The following RAB9B variants were observed in gnomAD, a reference collection of about 807,000 sequenced individuals.
RAB9B encodes ras-related protein Rab-9B.
A neutral mutation model predicts 8.9 loss-of-function variants in RAB9B; 1 was observed. The observed-to-expected ratio is 0.11, with a 90% CI of 0.04 to 0.53. The LOEUF is 0.53. RAB9B is among the 20% of genes least tolerant of loss of function. RAB9B has a pLI of 0.93. For missense variants in RAB9B, 82 were observed against 152.9 expected (o/e 0.54, Z 2.45); for synonymous variants, 63 against 57.0 (o/e 1.10, Z -0.47).
the RAB9B span, among the ~76,000 whole-genome samples, chrX:103,815,334 TA>T: frequency 8.9e-6 from 1 of 112,484 alleles, no homozygotes; most frequent in Non-Finnish European, 1.9e-5. Context: ...GAACCAATGA[TA>T]AAAACCACAT....
At chrX:103,805,292 T>A in the RAB9B span, among the ~76,000 whole-genome samples, 1 of 111,919 alleles carries the variant, frequency 8.9e-6, no homozygotes, top group Non-Finnish European at 1.9e-5. Context: ...TGTATTCTAT[T>A]GACTGGCTTT....
chrX:103,779,439 A>G, the RAB9B span, among the ~76,000 whole-genome samples: 1 of 112,035 alleles, frequency 8.9e-6, no homozygotes, highest in Non-Finnish European at 1.9e-5. Flanking sequence ...ACTGAGTCCC[A>G]TCAAAATGGC....
the RAB9B span, among the ~76,000 whole-genome samples, chrX:103,793,095 C>T: frequency 1.8e-5 from 2 of 111,864 alleles, no homozygotes; most frequent in Admixed American, 1.9e-4. Flanking sequence ...TTGGATAGTA[C>T]TGGATGGAAG....
the RAB9B span, among the ~76,000 whole-genome samples, chrX:103,807,854 CTG>C: frequency 6.2e-5 from 7 of 112,320 alleles, no homozygotes; most frequent in East Asian, 2.0e-3. Flanking sequence ...TTCTCCACAG[CTG>C]TGGTCAAACC....
At chrX:103,789,518 G>A in the RAB9B span, 1 of 601,626 alleles carries the variant, frequency 1.7e-6, no homozygotes, top group Non-Finnish European at 2.9e-6. Context: ...GGAAGCTTCT[G>A]GGAAGATAGC....
the RAB9B span, among the ~76,000 whole-genome samples, chrX:103,816,124 A>G: frequency 9.0e-6 from 1 of 111,635 alleles, no homozygotes; most frequent in Non-Finnish European, 1.9e-5. Context: ...CATAGCCAAG[A>G]CAATCCTGGG....
At chrX:103,810,715 C>T in the RAB9B span, among the ~76,000 whole-genome samples, 1 of 111,819 alleles carries the variant, frequency 8.9e-6, no homozygotes, top group South Asian at 3.8e-4. Flanking sequence ...CAAACCTAAG[C>T]TTCCTACCCC....
chrX:103,818,788 T>A (rs1272697017), downstream of RAB9B, among the ~76,000 whole-genome samples: 1 of 112,041 alleles, frequency 8.9e-6, no homozygotes, highest in Admixed American at 9.5e-5. Context: ...AATCTGCTTA[T>A]CTCAGGTTAA....
the RAB9B span, among the ~76,000 whole-genome samples, chrX:103,784,328 A>G: frequency 8.9e-6 from 1 of 111,745 alleles, no homozygotes; most frequent in Non-Finnish European, 1.9e-5. Flanking sequence ...CTGACTTTGT[A>G]TAAAGTCTGT....
chrX:103,800,706 A>G, the RAB9B span, among the ~76,000 whole-genome samples: 1 of 112,086 alleles, frequency 8.9e-6, no homozygotes, highest in Non-Finnish European at 1.9e-5. Flanking sequence ...TCTGCGTGAG[A>G]GACCTTGTCT....
the RAB9B span, among the ~76,000 whole-genome samples, chrX:103,810,921 T>C: frequency 8.9e-6 from 1 of 111,856 alleles, no homozygotes; most frequent in Non-Finnish European, 1.9e-5. Flanking sequence ...ATATGTCATA[T>C]TTCACTGAAA....
the RAB9B span, chrX:103,785,944 A>G: frequency 2.8e-6 from 2 of 709,265 alleles, no homozygotes; most frequent in Admixed American, 3.0e-5. Flanking sequence ...CCCATTCAGA[A>G]AGGAGGGGTC....
intron 1 of RAB9B, among the ~76,000 whole-genome samples, chrX:103,827,671 T>A (rs1291956868): frequency 8.9e-6 from 1 of 112,218 alleles, no homozygotes; most frequent in African/African-American, 3.2e-5. Context: ...TTTCTTTATT[T>A]ATTTTTTAAA....
chrX:103,784,906 T>G, the RAB9B span, among the ~76,000 whole-genome samples: 1 of 112,190 alleles, frequency 8.9e-6, no homozygotes, highest in African/African-American at 3.2e-5. Flanking sequence ...ATTCCATAAA[T>G]AGTTGATGAA....
At chrX:103,791,622 G>A in the RAB9B span, 4 of 112,741 alleles carry the variant, frequency 3.5e-5, no homozygotes, top group East Asian at 2.8e-4. Flanking sequence ...TTCAGTCATC[G>A]TAGGTGATTT....
chrX:103,825,776 C>T lies in RAB9B; in HGVS notation c.9G>A (p.Gly3=). 8.5e-7 allele frequency: 1 copy of T among 1,170,749 alleles called. No individual in the cohort carries two copies. Among genetic ancestry groups the T allele is most frequent in the East Asian group, 3.0e-5 (1 of 33,307 alleles). Residue 3 remains glycine, a synonymous_variant, in exon 3 of 3, where the codon GGG becomes GGA. Coordinates refer to ENST00000243298, the MANE Select transcript of RAB9B (RefSeq NM_016370.4). ...GAATGACCTTTAAGAGCAGGGATTT[C>T]CCACTCATTTTTGCAGCACCAGAAG... The part of the protein sequence containing the change: MS[G]KSLLLKVILL...
At chrX:103,814,306 T>G in the RAB9B span, among the ~76,000 whole-genome samples, 1 of 111,786 alleles carries the variant, frequency 8.9e-6, no homozygotes, top group East Asian at 2.8e-4. Context: ...CACAACTACA[T>G]GGAAACTGAA....
the RAB9B span, among the ~76,000 whole-genome samples, chrX:103,789,656 G>A: frequency 8.9e-6 from 1 of 112,064 alleles, no homozygotes; most frequent in Non-Finnish European, 1.9e-5. Flanking sequence ...ATAATATTTA[G>A]TATTTATAGA....
At chrX:103,806,614 G>A in the RAB9B span, among the ~76,000 whole-genome samples, 13 of 111,427 alleles carry the variant, frequency 1.2e-4, no homozygotes, top group Non-Finnish European at 3.8e-5. Context: ...AGGTCTGGTT[G>A]GTATATAGTG....
Sources: gnomAD v4.1 joint callset for allele counts (sites outside exome capture counted in the v4.1 genomes callset) on GRCh38, gnomAD v4.1.1 for gene constraint, MANE v1.5 for transcripts, NCBI Gene and HGNC (gene_info 2026-07-23, HGNC 2026-07-21) for gene names.